The following COQ8B variants were observed in gnomAD, a reference collection of about 807,000 sequenced individuals.
The protein encoded by COQ8B is coenzyme Q8B, also known as atypical kinase COQ8B, mitochondrial.
COQ8B carries 44 observed loss-of-function variants against 62.0 expected under a neutral mutation model. The ratio of observed to expected loss-of-function variants is 0.71; its 90% confidence interval spans 0.56 to 0.91. COQ8B has a LOEUF of 0.91. Ranked by LOEUF, COQ8B falls within the 40% of genes least tolerant of loss-of-function variation. COQ8B has a pLI of 0.00. For missense variants in COQ8B, 649 were observed against 731.6 expected, an observed-to-expected ratio of 0.89 and a Z score of 1.30; for synonymous variants, 252 against 289.9, an observed-to-expected ratio of 0.87 and a Z score of 1.33.
At chr19:40,692,704 C>T (rs576136820) in intron 14 of COQ8B, among the ~76,000 whole-genome samples, 2 of 152,108 alleles carry the variant, frequency 1.3e-5, no homozygotes, top group East Asian at 3.9e-4. Context: ...AGTCAGGCAG[C>T]CACCTCCCCC....
intron 12 of COQ8B, among the ~76,000 whole-genome samples, chr19:40,698,244 A>G (rs2082034850): frequency 6.6e-6 from 1 of 150,844 alleles, no homozygotes; most frequent in African/African-American, 2.4e-5. Flanking sequence ...GTGTCCCAAA[A>G]TAATATGGAT....
rs2082078312 is a variant in COQ8B at position 40,703,595 on chromosome 19, T to C, written c.745A>G (p.Ser249Gly). ...ACCGCCAGCAGGTTCTGGACATCGC[T>C]CTGAATGCTCTGGGCTATGCCGGGG... ...QYPGIAQSIQ[S>G]DVQNLLAVLK... is the part of the protein sequence containing the mutation. The change falls in exon 9 of 15, where the codon AGC becomes GGC. Residue 249 changes from serine to glycine, a missense_variant. Ser to Gly is a moderately conservative substitution (Grantham distance 56). Coordinates refer to ENST00000324464, the MANE Select transcript of COQ8B (RefSeq NM_024876.4). 1 of 1,611,670 alleles carries C rather than the reference T, an allele frequency of 6.2e-7. No homozygotes were observed. Among genetic ancestry groups the C allele is most frequent in the East Asian group, 2.2e-5 (1 of 44,810 alleles).
In COQ8B at chr19:40,705,453, G is replaced by T; in HGVS notation, c.368-6C>A. 6.5e-7 allele frequency: 1 copy of T among 1,548,328 alleles called. No individual in the cohort carries two copies. Among genetic ancestry groups the T allele is most frequent in the Non-Finnish European group, 8.7e-7 (1 of 1,144,202 alleles). On this transcript the variant is annotated splice_polypyrimidine_tract_variant and splice_region_variant and intron_variant, in intron 5 of 14. Transcript: ENST00000324464. Reference sequence around the variant, plus strand: ...GTCCAGCCCAGAACCACCCTCTGGGGAGAGAACAACCATTAGAATTATAAC... The same window carrying T: ...GTCCAGCCCAGAACCACCCTCTGGGTAGAGAACAACCATTAGAATTATAAC...
Position 40,705,317 on chromosome 19 carries a change from T to C in COQ8B, c.490+8A>G. 1.3e-6 allele frequency: 2 copies of C among 1,588,858 alleles called. No homozygotes were observed. The highest frequency in any genetic ancestry group is 1.7e-6 in the Non-Finnish European group (2 of 1,162,276). The stretch of plus-strand genomic sequence containing the variant: ...GTCAGGGGTCAGGAGTCGAGGGTCA[T>C]GCTGTACCCTGGATGCTGAGCATCT... On this transcript the variant is annotated splice_region_variant and intron_variant, in intron 6 of 14. Transcript: ENST00000324464.
intron 10 of COQ8B, chr19:40,700,755 T>A (rs533622593): frequency 3.8e-5 from 15 of 392,176 alleles, no homozygotes; most frequent in Non-Finnish European, 6.6e-5. Context: ...AAGGATGAGT[T>A]CAGGTGTATT....
chr19:40,692,276 C>A lies in COQ8B; in HGVS notation c.1394G>T (p.Arg465Leu), dbSNP rs375940942. 6.2e-7 allele frequency: 1 copy of A among 1,613,330 alleles called. No homozygotes were observed. The highest frequency in any genetic ancestry group is 8.5e-7 in the Non-Finnish European group (1 of 1,179,686). ...CAGCACCGGGATGAGGTCCTGTATG[C>A]GGCGGGCCGTTTCCCCCGACCCAAA... The part of the protein sequence containing the change: ...YDFGSGETAR[R>L]IQDLIPVLLR... Residue 465 changes from arginine to leucine, a missense_variant, in exon 15 of 15, where the codon CGC (arginine) becomes CTC (leucine). Arg to Leu is a moderately radical substitution (Grantham distance 102, BLOSUM62 -2). Coordinates refer to ENST00000324464, the MANE Select transcript of COQ8B (RefSeq NM_024876.4).
At chr19:40,701,647 C>T (rs1054629708) in intron 10 of COQ8B, among the ~76,000 whole-genome samples, 2 of 152,232 alleles carry the variant, frequency 1.3e-5, no homozygotes, top group African/African-American at 4.8e-5. Context: ...ACTCCCCTTT[C>T]ATCCTCACTC....
chr19:40,692,152 G>A lies in COQ8B; in HGVS notation c.1518C>T (p.Ile506=), dbSNP rs777906112. 3.1e-6 allele frequency: 5 copies of A among 1,600,456 alleles called. No homozygotes were observed. Among genetic ancestry groups the A allele is most frequent in the Admixed American group, 1.7e-5 (1 of 57,894 alleles). The change falls in exon 15 of 15, where the codon ATC becomes ATT. Residue 506 remains isoleucine, a synonymous_variant. Transcript: ENST00000324464. ...FLACAHLRAH[I]ACRDLFQDTY... Reference sequence around the variant, plus strand: ...TGTCCTGGAAGAGGTCCCTGCAGGCGATGTGGGCTCGGAGGTGGGCACAGG... The same window carrying A: ...TGTCCTGGAAGAGGTCCCTGCAGGCAATGTGGGCTCGGAGGTGGGCACAGG...
At position 40,692,271 on chromosome 19, in the gene COQ8B, G is replaced by C; in HGVS notation, c.1399C>G (p.Gln467Glu). Residue 467 changes from glutamine (Q) to glutamate (E), a missense_variant, in exon 15 of 15, where the codon CAG (glutamine) becomes GAG (glutamate). Coordinates refer to ENST00000324464, the MANE Select transcript of COQ8B (RefSeq NM_024876.4). ...CGCAGCAGCACCGGGATGAGGTCCTGTATGCGGCGGGCCGTTTCCCCCGAC... is the reference window on the plus strand; with the variant it reads ...CGCAGCAGCACCGGGATGAGGTCCTCTATGCGGCGGGCCGTTTCCCCCGAC... ...FGSGETARRI[Q>E]DLIPVLLRHR... 6.2e-7 allele frequency: 1 copy of C among 1,613,602 alleles called. No homozygotes were observed. Among genetic ancestry groups the C allele is most frequent in the Non-Finnish European group, 8.5e-7 (1 of 1,179,778 alleles).
chr19:40,695,727 T>C (rs1430305822), intron 13 of COQ8B, among the ~76,000 whole-genome samples: 2 of 152,190 alleles, frequency 1.3e-5, no homozygotes, highest in Non-Finnish European at 2.9e-5. Flanking sequence ...CAGGACCCAG[T>C]TACTTCATCT....
intron 10 of COQ8B, chr19:40,701,301 C>G (rs4803356): frequency 0.047 from 7,178 of 152,242 alleles, 216 homozygotes; most frequent in Non-Finnish European, 0.07. Flanking sequence ...TGTATTCCAG[C>G]CTGGAAAACA....
intron 1 of COQ8B, 93 bp downstream of exon 1, chr19:40,716,494 G>C (rs2082185813): frequency 6.6e-6 from 1 of 152,242 alleles, no homozygotes; most frequent in South Asian, 2.1e-4. Flanking sequence ...ATGGAGCCCT[G>C]GCATCCCTAT....
chr19:40,696,083 C>T (rs914784859), intron 12 of COQ8B, 29 bp from the exon 13 acceptor site: 6 of 1,610,870 alleles, frequency 3.7e-6, no homozygotes, highest in Non-Finnish European at 5.1e-6. Flanking sequence ...GAAAGGAATG[C>T]TGGGATCCCA....
intron 7 of COQ8B, 105 bp from the exon 8 acceptor site, chr19:40,703,960 G>T (rs1448984149): frequency 2.1e-6 from 3 of 1,400,644 alleles, no homozygotes; most frequent in Non-Finnish European, 2.8e-6. Flanking sequence ...CAGGGCCCTG[G>T]GCTAAGCTCT....
Position 40,700,400 on chromosome 19 carries a change from C to T in COQ8B, c.945G>A (p.Glu315=). The T allele has an allele frequency of 6.2e-7, 1 of 1,614,188 alleles. No individual in the cohort carries two copies. The highest frequency in any genetic ancestry group is 1.1e-5 in the South Asian group (1 of 91,086). The change falls in exon 11 of 15, where the codon GAG becomes GAA. Residue 315 remains glutamate (E), a synonymous_variant. Coordinates refer to ENST00000324464, the MANE Select transcript of COQ8B (RefSeq NM_024876.4). Reference sequence around the variant, plus strand: ...TGCCCAGCACCCGTGTCGTGCACAGCTCCTTAACCACGGCTGGGACCCGGA... The same window carrying T: ...TGCCCAGCACCCGTGTCGTGCACAGTTCCTTAACCACGGCTGGGACCCGGA... ...PFFRVPAVVK[E]LCTTRVLGME...
intron 13 of COQ8B, among the ~76,000 whole-genome samples, chr19:40,693,375 G>A (rs2081988911): frequency 6.6e-6 from 1 of 152,188 alleles, no homozygotes; most frequent in Non-Finnish European, 1.5e-5. Context: ...GCGTGACCCA[G>A]AACTGCATCC....
chr19:40,710,735 C>T (rs1051244399), intron 4 of COQ8B, among the ~76,000 whole-genome samples: 3 of 152,184 alleles, frequency 2.0e-5, no homozygotes, highest in African/African-American at 7.2e-5. Context: ...AAATATAATG[C>T]CCAGACTCCA....
At chr19:40,696,493 C>T (rs1280403046) in intron 12 of COQ8B, among the ~76,000 whole-genome samples, 2 of 151,898 alleles carry the variant, frequency 1.3e-5, no homozygotes, top group Non-Finnish European at 2.9e-5. Flanking sequence ...GGTGAAATCC[C>T]GTCTCTACTA....
intron 10 of COQ8B, chr19:40,700,714 G>A (rs1396986513): frequency 2.1e-5 from 10 of 477,844 alleles, no homozygotes; most frequent in Admixed American, 3.4e-5. Flanking sequence ...TTCCCTACCC[G>A]AAACCCTTCT....
Sources: allele counts gnomAD v4.1 joint callset (sites outside exome capture counted in the v4.1 genomes callset), GRCh38; gene constraint gnomAD v4.1.1; transcripts MANE v1.5; gene names NCBI Gene and HGNC (gene_info 2026-07-23, HGNC 2026-07-21).